Variants in BORCS5 observed in about 807,000 individuals in gnomAD.
BORCS5 encodes the protein BLOC-1-related complex subunit 5.
BORCS5 carries 17 observed loss-of-function variants against 22.1 expected under a neutral mutation model. The observed-to-expected ratio is 0.77, with a 90% CI of 0.53 to 1.15. BORCS5 has a LOEUF of 1.15. Ranked by LOEUF, BORCS5 falls within the 50% of genes most tolerant of loss-of-function variation. The pLI is 0.00. For missense variants in BORCS5, 247 were observed against 253.2 expected, an observed-to-expected ratio of 0.98 and a Z score of 0.17; for synonymous variants, 117 against 99.8, an observed-to-expected ratio of 1.17 and a Z score of -1.03.
rs183071637 is a variant in BORCS5 at position 12,434,598 on chromosome 12, G to A, written c.203-1030G>A. ...CAGAAGCAGCTATGATATTCCAGCT[G>A]TTTTCTATTAAGGCAGACATTAAAA... is the stretch of plus-strand genomic sequence containing the variant. On this transcript the variant is annotated intron_variant, in intron 2 of 3. Transcript: ENST00000314565. Among the ~76,000 whole-genome samples, 456 of 152,292 alleles carry A rather than the reference G, an allele frequency of 3.0e-3. 3 individuals carry two copies. Among genetic ancestry groups the A allele is most frequent in the African/African-American group, 0.01 (429 of 41,564 alleles).
chr12:12,359,914 T>G (rs1339844219), intron 1 of BORCS5, among the ~76,000 whole-genome samples: 2 of 152,152 alleles, frequency 1.3e-5, no homozygotes, highest in African/African-American at 2.4e-5. Flanking sequence ...CAGTTAAATT[T>G]TGTACCCTTT....
At chr12:12,464,741 G>A (rs1023692743) in intron 3 of BORCS5, among the ~76,000 whole-genome samples, 1 of 152,110 alleles carries the variant, frequency 6.6e-6, no homozygotes, top group Non-Finnish European at 1.5e-5. Flanking sequence ...AAGAAGTCAC[G>A]CAAGGGCAGC....
intron 2 of BORCS5, among the ~76,000 whole-genome samples, chr12:12,387,272 T>G (rs140329553): frequency 3.3e-5 from 5 of 151,564 alleles, no homozygotes; most frequent in African/African-American, 1.2e-4. Context: ...GAATCGGGGT[T>G]GTTTCCAGTA....
At chr12:12,434,953 T>G (rs548441342) in intron 2 of BORCS5, among the ~76,000 whole-genome samples, 2 of 152,226 alleles carry the variant, frequency 1.3e-5, no homozygotes, top group Non-Finnish European at 2.9e-5. Context: ...TTCAATTGAT[T>G]TCTTCTCCTG....
At chr12:12,390,260 G>T (rs937794208) in intron 2 of BORCS5, among the ~76,000 whole-genome samples, 1 of 152,062 alleles carries the variant, frequency 6.6e-6, no homozygotes, top group African/African-American at 2.4e-5. Context: ...CTTTCAAAGA[G>T]CTTACATTCT....
At chr12:12,438,426 A>G (rs1156228952) in intron 3 of BORCS5, among the ~76,000 whole-genome samples, 1 of 151,034 alleles carries the variant, frequency 6.6e-6, no homozygotes, top group Non-Finnish European at 1.5e-5. Context: ...GTTGTTTTGC[A>G]GTTTAGTAAA....
intron 2 of BORCS5, among the ~76,000 whole-genome samples, chr12:12,385,760 G>A (rs1271281100): frequency 1.3e-5 from 2 of 151,030 alleles, no homozygotes; most frequent in African/African-American, 2.4e-5. Context: ...CGCCTGCCTC[G>A]GCCTCCCCAA....
chr12:12,413,626 G>A lies in BORCS5; in HGVS notation c.203-22002G>A, dbSNP rs1321555891. ...CTCCCAGACGGGTCGTGGCCGGGCA[G>A]AGGGGCTCCTCACTTCCCAGTAGGG... On this transcript the variant is annotated intron_variant, in intron 2 of 3. Transcript: ENST00000314565. Among the ~76,000 whole-genome samples the A allele has an allele frequency of 5.9e-5, 8 of 135,068 alleles. No homozygotes were observed. The East Asian group carries it at 1.6e-3, about 28-fold the overall frequency. The allele number at this position is 135,068 out of a possible 152,430, so 88.6% of individuals were successfully genotyped here.
At chr12:12,423,395 G>A (rs1222765985) in intron 2 of BORCS5, among the ~76,000 whole-genome samples, 7 of 139,756 alleles carry the variant, frequency 5.0e-5, no homozygotes, top group South Asian at 4.8e-4. Flanking sequence ...ACCCCCTTTA[G>A]CATTTCTTGC....
intron 3 of BORCS5, among the ~76,000 whole-genome samples, chr12:12,457,190 C>G (rs1943012767): frequency 6.6e-6 from 1 of 152,174 alleles, no homozygotes; most frequent in African/African-American, 2.4e-5. Context: ...CACGTCAACC[C>G]TATGACGTAG....
chr12:12,441,822 G>A (rs966591941), intron 3 of BORCS5, among the ~76,000 whole-genome samples: 1 of 151,932 alleles, frequency 6.6e-6, no homozygotes, highest in Non-Finnish European at 1.5e-5. Context: ...GAATTTAACT[G>A]TTTATTCTGC....
intron 2 of BORCS5, among the ~76,000 whole-genome samples, chr12:12,384,083 T>G (rs1376438490): frequency 6.6e-6 from 1 of 151,306 alleles, no homozygotes; most frequent in Admixed American, 6.6e-5. Context: ...TTTCCATTAT[T>G]ATACTTTTCA....
At chr12:12,415,918 T>C (rs988151510) in intron 2 of BORCS5, among the ~76,000 whole-genome samples, 7 of 152,174 alleles carry the variant, frequency 4.6e-5, no homozygotes, top group African/African-American at 1.4e-4. Flanking sequence ...TTCTTTTAAA[T>C]GGTTGGTGGA....
rs1035302284 is a variant in BORCS5, at chr12:12,469,457, T to C, written c.*3681T>C. On this transcript the variant is annotated 3_prime_UTR_variant, in exon 4 of 4. Coordinates refer to ENST00000314565, the MANE Select transcript of BORCS5 (RefSeq NM_058169.6). ...ATGTTTCTGTATCCTGAGTATTTCT[T>C]TGCGGCTTCTTCAGTTATGAAAGAG... is the stretch of plus-strand genomic sequence containing the variant. The C allele has an allele frequency of 2.0e-5, 3 of 152,272 alleles. No individual in the cohort carries two copies. The highest frequency in any genetic ancestry group is 4.8e-5 in the African/African-American group (2 of 41,476). The allele number at this position is 152,272 out of a possible 1,614,324, so 9.4% of individuals were successfully genotyped here.
At chr12:12,452,109 A>T in intron 3 of BORCS5, 1 of 492,736 alleles carries the variant, frequency 2.0e-6, no homozygotes, top group South Asian at 1.7e-5. Context: ...ATTTTTATTT[A>T]AAAGAGGGCA....
intron 2 of BORCS5, among the ~76,000 whole-genome samples, chr12:12,376,680 A>G: frequency 6.6e-6 from 1 of 152,246 alleles, no homozygotes. Context: ...GTTAACAGTT[A>G]CATAGGCCAA....
At chr12:12,419,693 C>G (rs1592109446) in intron 2 of BORCS5, among the ~76,000 whole-genome samples, 2 of 152,164 alleles carry the variant, frequency 1.3e-5, no homozygotes, top group African/African-American at 4.8e-5. Context: ...TCTCCGCATC[C>G]TCTCCAGCAC....
chr12:12,388,149 T>C (rs921461066), intron 2 of BORCS5, among the ~76,000 whole-genome samples: 12 of 151,474 alleles, frequency 7.9e-5, no homozygotes, highest in African/African-American at 2.7e-4. Flanking sequence ...ACCATGCTTA[T>C]TATGTATATC....
chr12:12,381,890 T>G lies in BORCS5; in HGVS notation c.202+20541T>G, dbSNP rs74582844. Among the ~76,000 whole-genome samples, 617 of 151,550 alleles carry G rather than the reference T, an allele frequency of 4.1e-3. 18 individuals carry two copies. Among genetic ancestry groups the G allele is most frequent in the African/African-American group, 0.014 (599 of 41,338 alleles). ...GGTACTGAATTATTAACCTGTTTTG[T>G]TGAATTGTGTATTTTTCCTTTTGAT... is the stretch of plus-strand genomic sequence containing the variant. On this transcript the variant is annotated intron_variant, in intron 2 of 3. Coordinates refer to ENST00000314565, the MANE Select transcript of BORCS5 (RefSeq NM_058169.6).
Sources: allele counts gnomAD v4.1 joint callset (sites outside exome capture counted in the v4.1 genomes callset), GRCh38; gene constraint gnomAD v4.1.1; transcripts MANE v1.5; gene names NCBI Gene and HGNC (gene_info 2026-07-23, HGNC 2026-07-21).